Variants in CENPW observed in about 807,000 individuals in gnomAD.
The protein encoded by CENPW is centromere protein W, also known as cancer-up-regulated gene 2 protein.
CENPW carries 3 observed loss-of-function variants against 11.1 expected under a neutral mutation model. The observed-to-expected ratio is 0.27, with a 90% confidence interval of 0.12 to 0.70. The LOEUF (loss-of-function observed/expected upper bound fraction) is 0.70. Among genes scored for constraint, CENPW ranks in the 30% least tolerant of loss-of-function variants. CENPW has a pLI of 0.77. For synonymous variants in CENPW, 38 were observed against 42.0 expected (o/e 0.91, Z 0.37); for missense variants, 100 against 105.6 (o/e 0.95, Z 0.23).
the CENPW span, among the ~76,000 whole-genome samples, chr6:126,483,187 A>G: frequency 1.3e-5 from 2 of 151,830 alleles, no homozygotes; most frequent in African/African-American, 4.8e-5. Flanking sequence ...ATTTATTTGT[A>G]AATTTTCTTA....
the CENPW span, among the ~76,000 whole-genome samples, chr6:126,470,304 C>T: frequency 6.6e-6 from 1 of 152,236 alleles, no homozygotes; most frequent in African/African-American, 2.4e-5. Context: ...ACATCTCAGG[C>T]CATTGGTTCA....
the CENPW span, among the ~76,000 whole-genome samples, chr6:126,358,047 A>T: frequency 6.6e-6 from 1 of 152,142 alleles, no homozygotes; most frequent in African/African-American, 2.4e-5. Context: ...TTGCTATTGA[A>T]TTTTGTACAT....
At chr6:126,424,956 G>T in the CENPW span, among the ~76,000 whole-genome samples, 1 of 151,886 alleles carries the variant, frequency 6.6e-6, no homozygotes, top group Non-Finnish European at 1.5e-5. Context: ...TTCTTTGTTT[G>T]TTTCCTGAAT....
chr6:126,405,242 T>G, the CENPW span, among the ~76,000 whole-genome samples: 1 of 152,092 alleles, frequency 6.6e-6, no homozygotes, highest in Non-Finnish European at 1.5e-5. Context: ...CCAGCATCAT[T>G]TTTTAAAAAG....
the CENPW span, among the ~76,000 whole-genome samples, chr6:126,384,304 A>T: frequency 6.6e-6 from 1 of 152,098 alleles, no homozygotes; most frequent in African/African-American, 2.4e-5. Flanking sequence ...GGAACCAAAA[A>T]AGAGTCTAAT....
chr6:126,469,249 G>C, the CENPW span, among the ~76,000 whole-genome samples: 1 of 152,114 alleles, frequency 6.6e-6, no homozygotes, highest in Admixed American at 6.6e-5. Context: ...TCTTGTGACA[G>C]TGAGGGGGTT....
downstream of CENPW, among the ~76,000 whole-genome samples, chr6:126,352,803 A>T (rs1401990880): frequency 6.6e-6 from 1 of 151,914 alleles, no homozygotes; most frequent in Non-Finnish European, 1.5e-5. Flanking sequence ...TCTATTATAC[A>T]TTTTACAATT....
chr6:126,411,443 G>A, the CENPW span, among the ~76,000 whole-genome samples: 1 of 152,166 alleles, frequency 6.6e-6, no homozygotes, highest in Admixed American at 6.5e-5. Flanking sequence ...CTGCAGTGCT[G>A]CTGAGTTTCA....
At chr6:126,468,420 CAAAAAAAAAAA>C in the CENPW span, among the ~76,000 whole-genome samples, 1 of 53,534 alleles carries the variant, frequency 1.9e-5, no homozygotes, top group Non-Finnish European at 3.2e-5. Flanking sequence ...AACTCTGTCT[CAAAAAAAAAAA>C]AAAAAAAAAA....
the CENPW span, among the ~76,000 whole-genome samples, chr6:126,472,688 T>A: frequency 6.6e-6 from 1 of 152,214 alleles, no homozygotes; most frequent in Non-Finnish European, 1.5e-5. Flanking sequence ...GTAGACTATA[T>A]GGTAAGTGCA....
chr6:126,340,847 T>TTGCCTCCCTCCC (rs1780292505), intron 1 of CENPW, among the ~76,000 whole-genome samples: 2 of 152,182 alleles, frequency 1.3e-5, no homozygotes, highest in Non-Finnish European at 1.5e-5. Context: ...GCCTCCCTTC[T>TTGCCTCCCTCCC]TGCCTCCCTC....
the CENPW span, among the ~76,000 whole-genome samples, chr6:126,439,166 T>A: frequency 3.3e-5 from 5 of 151,834 alleles, no homozygotes; most frequent in South Asian, 8.3e-4. Context: ...TGCAGGTTTG[T>A]ATTCTCTGTT....
the CENPW span, among the ~76,000 whole-genome samples, chr6:126,468,420 CAAAAAAAAAA>C: frequency 1.9e-5 from 1 of 53,534 alleles, no homozygotes; most frequent in Admixed American, 3.1e-4. Context: ...AACTCTGTCT[CAAAAAAAAAA>C]AAAAAAAAAA....
chr6:126,449,727 C>T, the CENPW span, among the ~76,000 whole-genome samples: 1 of 150,980 alleles, frequency 6.6e-6, no homozygotes, highest in Non-Finnish European at 1.5e-5. Context: ...AATTAATGAC[C>T]TAAAAACCTC....
At chr6:126,387,793 T>C in the CENPW span, among the ~76,000 whole-genome samples, 1 of 151,948 alleles carries the variant, frequency 6.6e-6, no homozygotes, top group African/African-American at 2.4e-5. Flanking sequence ...TGATCAAGAA[T>C]GATAGTTTGT....
At chr6:126,427,561 C>T in the CENPW span, among the ~76,000 whole-genome samples, 4 of 152,204 alleles carry the variant, frequency 2.6e-5, no homozygotes, top group African/African-American at 9.7e-5. Flanking sequence ...TACACTACCT[C>T]ACAATAACTC....
the CENPW span, among the ~76,000 whole-genome samples, chr6:126,448,484 T>C: frequency 1.3e-5 from 2 of 151,086 alleles, no homozygotes; most frequent in Non-Finnish European, 3.0e-5. Flanking sequence ...TACAATCAAG[T>C]GTGGGGTAGT....
chr6:126,393,360 T>C, the CENPW span, among the ~76,000 whole-genome samples: 1 of 151,928 alleles, frequency 6.6e-6, no homozygotes, highest in Admixed American at 6.6e-5. Flanking sequence ...TCTAGTTCTT[T>C]AAGATGCACT....
Position 126,348,674 on chromosome 6 carries a change from C to T in CENPW, c.*182C>T. ...AGTAAATGCATAGGACTATTTAACC[C>T]TTTTATGGGAATTACTATTATTTTT... On this transcript the variant is annotated 3_prime_UTR_variant, in exon 3 of 3. Coordinates refer to ENST00000368328, the MANE Select transcript of CENPW (RefSeq NM_001012507.4). 1 of 414,900 alleles carries T rather than the reference C, an allele frequency of 2.4e-6. No homozygotes were observed. Among genetic ancestry groups the T allele is most frequent in the Non-Finnish European group, 4.3e-6 (1 of 230,690 alleles). The allele number at this position is 414,900 out of a possible 1,614,324, so 25.7% of individuals were successfully genotyped here.
Sources: allele counts gnomAD v4.1 joint callset (sites outside exome capture counted in the v4.1 genomes callset), GRCh38; gene constraint gnomAD v4.1.1; transcripts MANE v1.5; gene names NCBI Gene and HGNC (gene_info 2026-07-23, HGNC 2026-07-21).